Variants in CNTNAP2 observed in about 807,000 individuals in gnomAD.
CNTNAP2 encodes the protein contactin associated protein 2.
In CNTNAP2, 98 loss-of-function variants were observed where a neutral mutation model predicts 155.2. The observed-to-expected ratio is 0.63, with a 90% CI of 0.54 to 0.75. The LOEUF is 0.75. Ranked by LOEUF, CNTNAP2 falls within the 30% of genes least tolerant of loss-of-function variation. CNTNAP2 has a pLI of 0.00. For synonymous variants in CNTNAP2, 651 were observed against 631.2 expected, an observed-to-expected ratio of 1.03 and a Z score of -0.47; for missense variants, 1,727 against 1,688.1, an observed-to-expected ratio of 1.02 and a Z score of -0.40.
At chr7:147,796,566 C>A (rs1797897700) in intron 13 of CNTNAP2, among the ~76,000 whole-genome samples, 1 of 145,250 alleles carries the variant, frequency 6.9e-6, no homozygotes, top group African/African-American at 2.7e-5. Context: ...TAGCAGGAAG[C>A]TGGTCCAGGA....
chr7:147,035,740 C>T (rs1331188154), intron 3 of CNTNAP2, among the ~76,000 whole-genome samples: 1 of 152,048 alleles, frequency 6.6e-6, no homozygotes, highest in Non-Finnish European at 1.5e-5. Flanking sequence ...CATTCATTCG[C>T]TATAGGAGCT....
chr7:146,255,329 A>C (rs911088195), intron 1 of CNTNAP2, among the ~76,000 whole-genome samples: 1 of 152,194 alleles, frequency 6.6e-6, no homozygotes, highest in African/African-American at 2.4e-5. Context: ...GATTATTTGA[A>C]GTGTCTACCA....
intron 3 of CNTNAP2, among the ~76,000 whole-genome samples, chr7:146,924,497 A>G (rs1217106258): frequency 6.6e-6 from 1 of 152,162 alleles, no homozygotes; most frequent in Non-Finnish European, 1.5e-5. Flanking sequence ...TGAGACATTC[A>G]GCAGCCAGAG....
intron 1 of CNTNAP2, among the ~76,000 whole-genome samples, chr7:146,536,590 T>TCCCC (rs138445958): frequency 1.4e-4 from 20 of 147,322 alleles, no homozygotes; most frequent in African/African-American, 1.5e-4. Flanking sequence ...TCCCCCATGT[T>TCCCC]CCCCCCCCAC....
chr7:146,922,495 TG>T (rs1796523778), intron 3 of CNTNAP2, among the ~76,000 whole-genome samples: 1 of 152,112 alleles, frequency 6.6e-6, no homozygotes, highest in Non-Finnish European at 1.5e-5. Context: ...ATGGTTGTTT[TG>T]GGAGGTTAAT....
chr7:146,904,257 G>T (rs1185539688), intron 3 of CNTNAP2, among the ~76,000 whole-genome samples: 1 of 152,010 alleles, frequency 6.6e-6, no homozygotes, highest in African/African-American at 2.4e-5. Context: ...TATATTTGCT[G>T]TTGCTTCTCC....
intron 13 of CNTNAP2, among the ~76,000 whole-genome samples, chr7:147,726,745 A>G (rs1796650942): frequency 6.6e-6 from 1 of 152,052 alleles, no homozygotes. Context: ...AACATCACAT[A>G]CATTTCTGTT....
intron 1 of CNTNAP2, among the ~76,000 whole-genome samples, chr7:146,512,628 T>A (rs1315817559): frequency 1.3e-5 from 2 of 152,016 alleles, no homozygotes; most frequent in East Asian, 3.8e-4. Flanking sequence ...TATGATTTTT[T>A]CCATTGTGGT....
chr7:146,766,562 T>C (rs1471922411), intron 1 of CNTNAP2, among the ~76,000 whole-genome samples: 2 of 152,144 alleles, frequency 1.3e-5, no homozygotes, highest in Non-Finnish European at 2.9e-5. Context: ...TAGAATCAGG[T>C]ACAATTTGGC....
intron 15 of CNTNAP2, among the ~76,000 whole-genome samples, chr7:148,011,245 C>T (rs951874018): frequency 1.3e-5 from 2 of 151,876 alleles, no homozygotes; most frequent in South Asian, 2.1e-4. Flanking sequence ...GTAGTTATGT[C>T]CATTTATTTT....
At chr7:146,952,551 C>G (rs1797340120) in intron 3 of CNTNAP2, among the ~76,000 whole-genome samples, 1 of 152,118 alleles carries the variant, frequency 6.6e-6, no homozygotes, top group South Asian at 2.1e-4. Flanking sequence ...CCACAAATCT[C>G]CTGAAGCTGA....
intron 1 of CNTNAP2, among the ~76,000 whole-genome samples, chr7:146,320,350 T>C (rs10240739): frequency 0.067 from 10,255 of 152,166 alleles, 976 homozygotes; most frequent in African/African-American, 0.21. Context: ...AATGCAAAAA[T>C]ATAATGCTTA....
intron 15 of CNTNAP2, among the ~76,000 whole-genome samples, chr7:148,042,066 C>T (rs561640771): frequency 1.3e-5 from 2 of 152,232 alleles, no homozygotes; most frequent in African/African-American, 4.8e-5. Context: ...GGCCACGATG[C>T]CAGCACAGCT....
intron 1 of CNTNAP2, among the ~76,000 whole-genome samples, chr7:146,189,743 C>A (rs1234367443): frequency 2.6e-5 from 4 of 152,108 alleles, no homozygotes; most frequent in Admixed American, 2.6e-4. Flanking sequence ...CCTTGAAATT[C>A]AACATAAATC....
intron 13 of CNTNAP2, among the ~76,000 whole-genome samples, chr7:147,742,231 G>A (rs747602392): frequency 6.9e-4 from 105 of 152,278 alleles, no homozygotes; most frequent in Middle Eastern, 3.4e-3. Flanking sequence ...TGGCAAAACC[G>A]TATAAGGTTC....
rs1235767309 is a variant in CNTNAP2 at position 147,161,979 on chromosome 7, C to T, written c.1348+29470C>T. On this transcript the variant is annotated intron_variant, in intron 8 of 23. Coordinates refer to ENST00000361727, the MANE Select transcript of CNTNAP2 (RefSeq NM_014141.6). The stretch of plus-strand genomic sequence containing the variant: ...AGGCCTTGAAATTGCATATTGCCTC[C>T]TATATGCTACCAAGGCCTATGCTAT... 2.0e-5 allele frequency: 3 copies of T among 152,134 alleles called. No homozygotes were observed. The East Asian group carries it at 5.8e-4, about 29-fold the overall frequency. The allele number at this position is 152,134 out of a possible 1,614,324, so 9.4% of individuals were successfully genotyped here.
chr7:147,951,320 T>C (rs1800927005), intron 14 of CNTNAP2, among the ~76,000 whole-genome samples: 1 of 152,190 alleles, frequency 6.6e-6, no homozygotes, highest in Non-Finnish European at 1.5e-5. Flanking sequence ...CAATCTATTC[T>C]ACAGAGCAAA....
chr7:148,197,419 G>T (rs1301049347), intron 18 of CNTNAP2, among the ~76,000 whole-genome samples: 1 of 152,104 alleles, frequency 6.6e-6, no homozygotes, highest in Non-Finnish European at 1.5e-5. Flanking sequence ...AAAGCCTGCA[G>T]CAGTACCCCA....
Position 146,974,453 on chromosome 7 carries a change from A to G in CNTNAP2, c.403-69454A>G, listed in dbSNP as rs546139299. On this transcript the variant is annotated intron_variant, in intron 3 of 23. Transcript: ENST00000361727. ...AACTCCGTCTTAAAAAAAAATAAAA[A>G]ATAAAAAAATAAAAAATAAAGTCAG... Among the ~76,000 whole-genome samples the G allele has an allele frequency of 3.3e-5, 5 of 151,458 alleles. No homozygotes were observed. The South Asian group carries it at 1.1e-3, about 32-fold the overall frequency.
Sources: allele counts gnomAD v4.1 joint callset (sites outside exome capture counted in the v4.1 genomes callset), GRCh38; gene constraint gnomAD v4.1.1; transcripts MANE v1.5; gene names NCBI Gene and HGNC (gene_info 2026-07-23, HGNC 2026-07-21).